CCDC88C: variants seen among roughly 807,000 people sequenced by gnomAD.
CCDC88C encodes the protein coiled-coil and HOOK domain protein 88C, also known as protein Daple.
In CCDC88C, 131 loss-of-function variants were observed where a neutral mutation model predicts 198.8. The observed-to-expected ratio is 0.66, with a 90% CI of 0.57 to 0.76. The LOEUF is 0.76. Ranked by LOEUF, CCDC88C falls within the 30% of genes least tolerant of loss-of-function variation. The pLI is 0.00. For missense variants in CCDC88C, 2,553 were observed against 2,631.6 expected (o/e 0.97, Z 0.65); for synonymous variants, 1,166 against 1,114.7 (o/e 1.05, Z -0.92).
intron 6 of CCDC88C, chr14:91,342,118 A>T: frequency 2.6e-6 from 1 of 379,802 alleles, no homozygotes; most frequent in South Asian, 4.0e-5. Flanking sequence ...ATAAGGCAAA[A>T]AGAAGGAGAC....
intron 14 of CCDC88C, among the ~76,000 whole-genome samples, chr14:91,315,056 G>A (rs1303341678): frequency 6.6e-6 from 1 of 152,162 alleles, no homozygotes; most frequent in Non-Finnish European, 1.5e-5. Context: ...GTAGCCACAC[G>A]TTAGTTCTGG....
chr14:91,351,166 G>A (rs756091002), intron 4 of CCDC88C, among the ~76,000 whole-genome samples: 3 of 152,196 alleles, frequency 2.0e-5, no homozygotes, highest in South Asian at 2.1e-4. Flanking sequence ...TCTACGGCAC[G>A]TATGTGTGCT....
At chr14:91,334,941 C>T (rs1892986998) in intron 10 of CCDC88C, among the ~76,000 whole-genome samples, 2 of 152,126 alleles carry the variant, frequency 1.3e-5, no homozygotes. Flanking sequence ...AGGTGGGAGG[C>T]CCGCCCCAAG....
chr14:91,335,364 C>T (rs1358378520), intron 10 of CCDC88C, among the ~76,000 whole-genome samples: 1 of 152,176 alleles, frequency 6.6e-6, no homozygotes, highest in African/African-American at 2.4e-5. Context: ...AGCCTCACCT[C>T]TCACCGTCCA....
rs374694567 is a variant in CCDC88C at position 91,283,385 on chromosome 14, G to A, written c.4574C>T (p.Thr1525Ile). Residue 1525 changes from threonine to isoleucine, a missense_variant, in exon 26 of 30, where the codon ACC (threonine) becomes ATC (isoleucine). Around this residue, in one of 2 missense-constraint regions of CCDC88C, gnomAD observed 1,293 missense variants for 1,219.6 expected, o/e 1.06. Coordinates refer to ENST00000389857, the MANE Select transcript of CCDC88C (RefSeq NM_001080414.4). ...LGSRTCSTSATTTAPSNSTPI... is the reference protein window; with the variant it reads ...LGSRTCSTSAITTAPSNSTPI... ...GGTGGAGTTGGAAGGGGCTGTAGTG[G>A]TGGCTGAAGTTGAGCAAGTCCGGGA... is the stretch of plus-strand genomic sequence containing the variant. 2 of 1,613,872 alleles carry A rather than the reference G, an allele frequency of 1.2e-6. No homozygotes were observed. Among genetic ancestry groups the A allele is most frequent in the Non-Finnish European group, 8.5e-7 (1 of 1,179,854 alleles).
rs1890520407 is a variant in CCDC88C at position 91,288,586 on chromosome 14, G to C, written c.4441+519C>G. The C allele has an allele frequency of 6.5e-6, 1 of 153,372 alleles. No homozygotes were observed. The highest frequency in any genetic ancestry group is 1.5e-5 in the Non-Finnish European group (1 of 68,810). 9.5% of individuals were successfully genotyped at this position (153,372 alleles called of 1,614,324 possible). A position where few individuals can be genotyped will look rare whatever the true frequency, so the allele number is the denominator to read the frequency against. ...TATTGAGATATCTGCCCGGCTACAT[G>C]ATGAATGATACCTTTTGTTCTAAAA... On this transcript the variant is annotated intron_variant, in intron 25 of 29. Transcript: ENST00000389857. This position sits in a 1 kb window ranked among gnomAD's most constrained non-coding sequence, Gnocchi z 4.2.
intron 3 of CCDC88C, 95 bp downstream of exon 3, chr14:91,408,564 A>G: frequency 1.3e-6 from 1 of 782,792 alleles, no homozygotes; most frequent in Non-Finnish European, 2.3e-6. Context: ...CCTAAACATA[A>G]GCACCGTTTC....
intron 17 of CCDC88C, among the ~76,000 whole-genome samples, chr14:91,307,674 T>G (rs1324340547): frequency 6.6e-6 from 1 of 151,674 alleles, no homozygotes; most frequent in African/African-American, 2.4e-5. Flanking sequence ...GCTGGAAGAG[T>G]GCGTGTGTGG....
At chr14:91,388,116 T>C (rs545014020) in intron 3 of CCDC88C, among the ~76,000 whole-genome samples, 1 of 152,194 alleles carries the variant, frequency 6.6e-6, no homozygotes, top group Admixed American at 6.5e-5. Context: ...TCTGAAACCA[T>C]CCCCCTTAGA....
chr14:91,313,549 C>T lies in CCDC88C; in HGVS notation c.2267G>A (p.Arg756His), dbSNP rs759860926. 74 of 1,610,556 alleles carry T rather than the reference C, an allele frequency of 4.6e-5. No individual in the cohort carries two copies. The highest frequency in any genetic ancestry group is 3.1e-4 in the East Asian group (14 of 44,898). ...LLKALGKKSE[R>H]LELSYQSVSA... is the part of the protein sequence containing the mutation. ...CACGCTCTGGTAGCTGAGCTCCAGG[C>T]GCTCTGACTTCTTGCCCAGCGCCTT... The change falls in exon 15 of 30, where the codon CGC (arginine) becomes CAC (histidine). Residue 756 changes from arginine (R) to histidine (H), a missense_variant. By Grantham distance (29) the Arg-to-His change is conservative. This residue lies in a region of CCDC88C where 1,260 missense variants were observed against 1,412.0 expected (regional missense o/e 0.89). Transcript: ENST00000389857. The surrounding 1 kb of genome is among the most constrained non-coding windows in gnomAD (Gnocchi z 5.2).
chr14:91,311,219 G>A (rs768738793), intron 15 of CCDC88C, among the ~76,000 whole-genome samples: 8 of 152,218 alleles, frequency 5.3e-5, no homozygotes, highest in Non-Finnish European at 1.0e-4. Flanking sequence ...CAGAGATGCT[G>A]GGGTTGGCTA....
intron 22 of CCDC88C, among the ~76,000 whole-genome samples, chr14:91,295,419 C>G (rs962194575): frequency 1.3e-5 from 2 of 152,218 alleles, no homozygotes; most frequent in African/African-American, 2.4e-5. Flanking sequence ...TCAGGCACGT[C>G]ACAAACGTGG....
intron 10 of CCDC88C, among the ~76,000 whole-genome samples, chr14:91,333,985 G>T (rs767597334): frequency 9.2e-5 from 14 of 152,128 alleles, no homozygotes; most frequent in Non-Finnish European, 1.3e-4. Flanking sequence ...CTTTTACTTG[G>T]AATACCTCTT....
At position 91,314,110 on chromosome 14, in the gene CCDC88C, G is replaced by C; in HGVS notation, c.1706C>G (p.Ala569Gly). 6.2e-7 allele frequency: 1 copy of C among 1,613,284 alleles called. No individual in the cohort carries two copies. The highest frequency in any genetic ancestry group is 8.5e-7 in the Non-Finnish European group (1 of 1,179,772). Residue 569 changes from alanine to glycine, a missense_variant, in exon 15 of 30, where the codon GCC (alanine) becomes GGC (glycine). Physicochemically the swap from Ala to Gly is moderately conservative, Grantham distance 60 (BLOSUM62 0). Coordinates refer to ENST00000389857, the MANE Select transcript of CCDC88C (RefSeq NM_001080414.4). ...CGACCTCTCCCGCAGCGACCACATG[G>C]CTCGGTTGAGGTGGTCCTTTTCCTG... ...LEQEKDHLNR[A>G]MWSLRERSQV...
At chr14:91,398,638 C>A (rs992214243) in intron 3 of CCDC88C, among the ~76,000 whole-genome samples, 2 of 152,082 alleles carry the variant, frequency 1.3e-5, no homozygotes, top group African/African-American at 4.8e-5. Context: ...GCATGGGTGA[C>A]AGAGTGAGAC....
intron 3 of CCDC88C, among the ~76,000 whole-genome samples, chr14:91,406,844 T>C (rs934224414): frequency 2.0e-5 from 3 of 152,168 alleles, no homozygotes; most frequent in Non-Finnish European, 2.9e-5. Context: ...GCATACACCA[T>C]GCTGAGTGTG....
In CCDC88C at chr14:91,313,056, C is replaced by T. The variant is rs1047785000; in HGVS notation, c.2736+24G>A. The T allele has an allele frequency of 1.9e-5, 30 of 1,543,660 alleles. 1 individual carries two copies. Among genetic ancestry groups the T allele is most frequent in the Middle Eastern group, 3.5e-4 (2 of 5,766 alleles). ...CTACCACCATCTGCCAATCCCCTTA[C>T]AGGCGCCGCCTGTGTTTGCTCACCT... On this transcript the variant is annotated intron_variant, in intron 15 of 29. Transcript: ENST00000389857. The surrounding 1 kb of genome is among the most constrained non-coding windows in gnomAD (Gnocchi z 5.2).
At chr14:91,308,294 G>A in intron 17 of CCDC88C, 57 bp downstream of exon 17, 1 of 1,601,510 alleles carries the variant, frequency 6.2e-7, no homozygotes, top group Middle Eastern at 1.7e-4. Context: ...TGAGGGGCTG[G>A]AAAGGGTGAG....
At chr14:91,378,127 G>T (rs1884564809) in intron 3 of CCDC88C, among the ~76,000 whole-genome samples, 1 of 152,216 alleles carries the variant, frequency 6.6e-6, no homozygotes, top group African/African-American at 2.4e-5. Context: ...AATGATTAGT[G>T]GGTGAGGCCA....
Sources: allele counts gnomAD v4.1 joint callset (sites outside exome capture counted in the v4.1 genomes callset), GRCh38; gene constraint gnomAD v4.1.1; regional missense constraint gnomAD v4.1.1; non-coding constraint Gnocchi (gnomAD v3.1); transcripts MANE v1.5; gene names NCBI Gene and HGNC (gene_info 2026-07-23, HGNC 2026-07-21).